SHISA9: variants seen among roughly 807,000 people sequenced by gnomAD.
SHISA9 encodes the protein protein shisa-9.
In SHISA9, 13 loss-of-function variants were observed where a neutral mutation model predicts 38.0. The observed-to-expected ratio is 0.34, with a 90% CI of 0.22 to 0.54. The LOEUF is 0.54. SHISA9 is among the 20% of genes least tolerant of loss of function. The pLI is 0.91. For missense variants in SHISA9, 538 were observed against 575.8 expected, an observed-to-expected ratio of 0.93 and a Z score of 0.67; for synonymous variants, 275 against 242.0, an observed-to-expected ratio of 1.14 and a Z score of -1.27.
At chr16:13,158,581 C>T (rs2050567407) in intron 2 of SHISA9, among the ~76,000 whole-genome samples, 1 of 152,162 alleles carries the variant, frequency 6.6e-6, no homozygotes, top group Non-Finnish European at 1.5e-5. Flanking sequence ...TACCAGCTCC[C>T]AATTCAAAGA....
At chr16:13,313,872 A>C in the SHISA9 span, among the ~76,000 whole-genome samples, 2 of 152,234 alleles carry the variant, frequency 1.3e-5, no homozygotes, top group Non-Finnish European at 2.9e-5. Context: ...TTTCTATAGC[A>C]GAATTGCATT....
chr16:13,555,701 C>G, the SHISA9 span, among the ~76,000 whole-genome samples: 2 of 152,140 alleles, frequency 1.3e-5, no homozygotes, highest in South Asian at 2.1e-4. Flanking sequence ...CGAGTACTGG[C>G]CCCACTGAGC....
At chr16:13,433,426 T>G in the SHISA9 span, among the ~76,000 whole-genome samples, 4 of 152,236 alleles carry the variant, frequency 2.6e-5, no homozygotes, top group African/African-American at 9.6e-5. Context: ...CTGTGTGTGT[T>G]AGTTATAATT....
intron 2 of SHISA9, among the ~76,000 whole-genome samples, chr16:12,984,891 G>A (rs1596565054): frequency 6.6e-6 from 1 of 152,306 alleles, no homozygotes; most frequent in African/African-American, 2.4e-5. Context: ...GAAGAGCCCA[G>A]TTCTCTTGCC....
intron 2 of SHISA9, among the ~76,000 whole-genome samples, chr16:13,018,918 T>C (rs2072788715): frequency 6.6e-6 from 1 of 152,196 alleles, no homozygotes; most frequent in Non-Finnish European, 1.5e-5. Flanking sequence ...AAGTGCAAAC[T>C]CCTCAGCCCA....
intron 1 of SHISA9, among the ~76,000 whole-genome samples, chr16:12,905,455 C>A (rs756332461): frequency 3.9e-5 from 6 of 152,012 alleles, no homozygotes; most frequent in African/African-American, 1.4e-4. Context: ...CCCCCACTCC[C>A]CTAATGGCTT....
the SHISA9 span, among the ~76,000 whole-genome samples, chr16:13,464,798 C>G: frequency 0.22 from 33,284 of 151,888 alleles, 3,926 homozygotes; most frequent in South Asian, 0.31. Flanking sequence ...ATAAAATTCC[C>G]GAGATATGTT....
chr16:13,237,654 CAAAAAAA>C lies in SHISA9; in HGVS notation c.*2256_*2262del, dbSNP rs60419034. 3 of 96,704 alleles carry C rather than the reference CAAAAAAA, an allele frequency of 3.1e-5. No homozygotes were observed. Among genetic ancestry groups the C allele is most frequent in the African/African-American group, 8.8e-5 (2 of 22,854 alleles). 6.0% of individuals were successfully genotyped at this position (96,704 alleles called of 1,614,324 possible). On this transcript the variant is annotated 3_prime_UTR_variant, in exon 5 of 5. Coordinates refer to ENST00000558583, the MANE Select transcript of SHISA9 (RefSeq NM_001145204.3). ...CCTGGGTGACGGAGTGAGACTATCT[CAAAAAAA>C]AAAAAAAAAAGAAAAAAAAAGAGAT... is the stretch of plus-strand genomic sequence containing the variant.
At chr16:13,552,067 AT>A in the SHISA9 span, among the ~76,000 whole-genome samples, 1 of 152,138 alleles carries the variant, frequency 6.6e-6, no homozygotes, top group Non-Finnish European at 1.5e-5. Flanking sequence ...GTGGGGACGC[AT>A]TTTGCTTCAG....
the SHISA9 span, among the ~76,000 whole-genome samples, chr16:13,253,549 A>G: frequency 6.6e-6 from 1 of 152,218 alleles, no homozygotes; most frequent in African/African-American, 2.4e-5. Flanking sequence ...CGAATCTTGC[A>G]TTGTGGCAGG....
At chr16:13,043,829 T>C (rs1041065635) in intron 2 of SHISA9, among the ~76,000 whole-genome samples, 2 of 152,166 alleles carry the variant, frequency 1.3e-5, no homozygotes, top group Middle Eastern at 3.2e-3. Context: ...CTCCTGGATA[T>C]CCCCTGCCAT....
the SHISA9 span, among the ~76,000 whole-genome samples, chr16:13,295,597 C>G: frequency 9.9e-5 from 15 of 152,178 alleles, no homozygotes; most frequent in African/African-American, 3.6e-4. Flanking sequence ...ATATCAGGCT[C>G]GAAAGGCCAG....
chr16:13,008,886 A>C (rs1485535158), intron 2 of SHISA9, among the ~76,000 whole-genome samples: 3 of 152,098 alleles, frequency 2.0e-5, no homozygotes, highest in Admixed American at 6.5e-5. Flanking sequence ...GAAATGTTTG[A>C]TGACTGACTG....
chr16:13,156,606 C>T (rs941376413), intron 2 of SHISA9, among the ~76,000 whole-genome samples: 2 of 151,864 alleles, frequency 1.3e-5, no homozygotes, highest in South Asian at 2.1e-4. Context: ...TGGTGGTGGG[C>T]GCCTGCAGTC....
intron 1 of SHISA9, among the ~76,000 whole-genome samples, chr16:12,904,086 A>G (rs1252806695): frequency 6.6e-6 from 1 of 152,112 alleles, no homozygotes; most frequent in African/African-American, 2.4e-5. Flanking sequence ...ACCCTGACCT[A>G]CTAAAGGAGT....
At chr16:13,387,511 C>T in the SHISA9 span, among the ~76,000 whole-genome samples, 14 of 148,910 alleles carry the variant, frequency 9.4e-5, no homozygotes, top group Non-Finnish European at 1.8e-4. Flanking sequence ...TTTCTTGAGA[C>T]GGAATCTCTC....
intron 2 of SHISA9, among the ~76,000 whole-genome samples, chr16:13,106,525 C>T (rs2073926750): frequency 6.6e-6 from 1 of 152,184 alleles, no homozygotes. Flanking sequence ...ATGTGGTACA[C>T]ATTTTTGTTT....
chr16:13,518,055 C>A, the SHISA9 span, among the ~76,000 whole-genome samples: 1 of 152,158 alleles, frequency 6.6e-6, no homozygotes, highest in Admixed American at 6.5e-5. Flanking sequence ...GCGCTCTGTG[C>A]TCTCCCAGCC....
intron 2 of SHISA9, among the ~76,000 whole-genome samples, chr16:13,148,689 G>GCACACACACA (rs3075124): frequency 9.8e-5 from 13 of 132,540 alleles, no homozygotes; most frequent in African/African-American, 3.5e-4. Context: ...ACATACACAA[G>GCACACACACA]CACACACACA....
Sources: gnomAD v4.1 joint callset for allele counts (sites outside exome capture counted in the v4.1 genomes callset) on GRCh38, gnomAD v4.1.1 for gene constraint, MANE v1.5 for transcripts, NCBI Gene and HGNC (gene_info 2026-07-23, HGNC 2026-07-21) for gene names.